The following CSMD1 variants were observed in gnomAD, a reference collection of about 807,000 sequenced individuals.
CSMD1 encodes the protein CUB and Sushi multiple domains 1.
CSMD1 carries 213 observed loss-of-function variants against 417.5 expected under a neutral mutation model. The observed-to-expected ratio is 0.51, with a 90% CI of 0.46 to 0.57. The LOEUF (loss-of-function observed/expected upper bound fraction) is 0.57, where lower values mean the gene tolerates loss of function less well. CSMD1 is among the 20% of genes least tolerant of loss of function. The pLI is 0.00. For synonymous variants in CSMD1, 2,862 were observed against 1,736.8 expected (o/e 1.65, Z -16.11); for missense variants, 6,923 against 4,529.7 (o/e 1.53, Z -15.17).
intron 3 of CSMD1, among the ~76,000 whole-genome samples, chr8:4,230,678 T>A (rs1204141268): frequency 6.6e-6 from 1 of 152,184 alleles, no homozygotes; most frequent in Non-Finnish European, 1.5e-5. Context: ...TATTATAAAT[T>A]TTTACTGCCT....
chr8:3,636,481 G>C (rs1462144135), intron 7 of CSMD1, among the ~76,000 whole-genome samples: 1 of 152,114 alleles, frequency 6.6e-6, no homozygotes, highest in Non-Finnish European at 1.5e-5. Flanking sequence ...CCTGTCCCTG[G>C]AAGTAAAATC....
rs112143727 is a variant in CSMD1, at chr8:4,125,788, A to C, written c.416-93689T>G. Among the ~76,000 whole-genome samples, 562 of 151,102 alleles carry C rather than the reference A, an allele frequency of 3.7e-3. 2 individuals are homozygous for C. Among genetic ancestry groups the C allele is most frequent in the African/African-American group, 0.013 (509 of 40,452 alleles). ...CTTATCAACTGATAGAGCCCTTATC[A>C]ATTGATCAATTGATAACAGCCCAAG... is the stretch of plus-strand genomic sequence containing the variant. On this transcript the variant is annotated intron_variant, in intron 3 of 69. Transcript: ENST00000635120.
intron 5 of CSMD1, among the ~76,000 whole-genome samples, chr8:3,915,883 G>A (rs1273587206): frequency 6.7e-6 from 1 of 149,182 alleles, no homozygotes. Context: ...TGAATAACAA[G>A]GAAATTAAAA....
chr8:4,241,283 T>G (rs1481898887), intron 3 of CSMD1, among the ~76,000 whole-genome samples: 1 of 152,194 alleles, frequency 6.6e-6, no homozygotes, highest in Admixed American at 6.5e-5. Context: ...TCACCACAAT[T>G]CATTCCCTTT....
chr8:4,298,303 T>C (rs372843695), intron 3 of CSMD1, among the ~76,000 whole-genome samples: 9 of 152,344 alleles, frequency 5.9e-5, no homozygotes, highest in African/African-American at 2.2e-4. Flanking sequence ...TTGATTCCTT[T>C]ACTGTTATTC....
chr8:3,539,562 C>G lies in CSMD1; in HGVS notation c.1344+35383G>C, dbSNP rs781638463. Among the ~76,000 whole-genome samples, 8 of 152,048 alleles carry G rather than the reference C, an allele frequency of 5.3e-5. No homozygotes were observed. In the East Asian group the frequency reaches 1.5e-3, roughly 29 times the overall value. On this transcript the variant is annotated intron_variant, in intron 10 of 69. Coordinates refer to ENST00000635120, the MANE Select transcript of CSMD1 (RefSeq NM_033225.6). ...TAAACGTGCAAGGAAAAGCGTGATT[C>G]AGAAGTTGTAACACTTCGCCAAGAA...
chr8:3,995,320 G>C (rs1241933212), intron 5 of CSMD1, among the ~76,000 whole-genome samples: 12 of 152,152 alleles, frequency 7.9e-5, no homozygotes, highest in Non-Finnish European at 1.5e-5. Context: ...TAGTCCTTGT[G>C]GCTGTGTTAA....
chr8:4,293,492 C>T (rs752589623), intron 3 of CSMD1, among the ~76,000 whole-genome samples: 32 of 152,132 alleles, frequency 2.1e-4, no homozygotes, highest in Non-Finnish European at 3.5e-4. Flanking sequence ...GCTCAGTATG[C>T]GTTTCTTTTT....
intron 2 of CSMD1, among the ~76,000 whole-genome samples, chr8:4,457,701 G>A (rs1043879545): frequency 3.3e-5 from 5 of 152,094 alleles, no homozygotes; most frequent in Admixed American, 2.0e-4. Flanking sequence ...CATGGGAGAG[G>A]CAGCTTCCCT....
At chr8:3,828,051 T>C (rs1802155126) in intron 5 of CSMD1, among the ~76,000 whole-genome samples, 1 of 152,200 alleles carries the variant, frequency 6.6e-6, no homozygotes, top group South Asian at 2.1e-4. Context: ...ATACTCCACT[T>C]CAATGAGCAA....
chr8:4,185,906 G>A (rs1299706542), intron 3 of CSMD1, among the ~76,000 whole-genome samples: 1 of 152,124 alleles, frequency 6.6e-6, no homozygotes, highest in African/African-American at 2.4e-5. Context: ...TTTGTAAACT[G>A]TTATTACGTT....
chr8:3,630,780 G>A (rs17396885), intron 7 of CSMD1, among the ~76,000 whole-genome samples: 14,931 of 152,222 alleles, frequency 0.098, 795 homozygotes, highest in Middle Eastern at 0.12. Context: ...GGTGGCTAAA[G>A]CAATAGAAGA....
chr8:3,292,709 C>G (rs868847069), intron 25 of CSMD1, among the ~76,000 whole-genome samples: 5 of 152,094 alleles, frequency 3.3e-5, no homozygotes, highest in African/African-American at 1.2e-4. Flanking sequence ...TTATTTTGAG[C>G]CTATGTGTGT....
chr8:4,002,873 G>A (rs1485995183), intron 4 of CSMD1, among the ~76,000 whole-genome samples: 1 of 152,112 alleles, frequency 6.6e-6, no homozygotes, highest in East Asian at 1.9e-4. Flanking sequence ...TAAATAATGG[G>A]TAACTTGTTA....
intron 4 of CSMD1, among the ~76,000 whole-genome samples, chr8:4,002,677 C>A (rs1429404419): frequency 6.6e-6 from 1 of 152,130 alleles, no homozygotes; most frequent in Non-Finnish European, 1.5e-5. Flanking sequence ...AAATGGGAAC[C>A]ATTATCCCTG....
intron 5 of CSMD1, among the ~76,000 whole-genome samples, chr8:3,888,253 T>C (rs1563180163): frequency 6.6e-6 from 1 of 152,168 alleles, no homozygotes; most frequent in Non-Finnish European, 1.5e-5. Flanking sequence ...TGTGATGATC[T>C]GCTAAATACA....
intron 36 of CSMD1, among the ~76,000 whole-genome samples, chr8:3,183,366 T>C (rs1341693991): frequency 6.7e-6 from 1 of 148,740 alleles, no homozygotes; most frequent in South Asian, 2.2e-4. Context: ...TTCTTAACGA[T>C]ACCATCGGCA....
At chr8:3,321,252 C>T (rs1199240210) in intron 23 of CSMD1, among the ~76,000 whole-genome samples, 2 of 152,148 alleles carry the variant, frequency 1.3e-5, no homozygotes, top group African/African-American at 4.8e-5. Context: ...CGCCAAGACA[C>T]CATGGTGAGT....
At chr8:3,451,907 A>C (rs1160697572) in intron 12 of CSMD1, among the ~76,000 whole-genome samples, 1 of 152,198 alleles carries the variant, frequency 6.6e-6, no homozygotes, top group Non-Finnish European at 1.5e-5. Context: ...TACCTTGGGC[A>C]GTATGGCCAT....
Sources: allele counts gnomAD v4.1 joint callset (sites outside exome capture counted in the v4.1 genomes callset), GRCh38; gene constraint gnomAD v4.1.1; transcripts MANE v1.5; gene names NCBI Gene and HGNC (gene_info 2026-07-23, HGNC 2026-07-21).